ZZEF1: variants seen among roughly 807,000 people sequenced by gnomAD.
ZZEF1 encodes zinc finger ZZ-type and EF-hand domain containing 1.
A neutral mutation model predicts 342.8 loss-of-function variants in ZZEF1; 157 were observed. The ratio of observed to expected loss-of-function variants is 0.46; its 90% CI spans 0.40 to 0.52. ZZEF1 has a LOEUF of 0.52. Ranked by LOEUF, ZZEF1 falls within the 20% of genes least tolerant of loss-of-function variation. ZZEF1 has a pLI of 0.00. For missense variants in ZZEF1, 3,480 were observed against 3,725.6 expected, an observed-to-expected ratio of 0.93 and a Z score of 1.72; for synonymous variants, 1,505 against 1,429.1, an observed-to-expected ratio of 1.05 and a Z score of -1.20.
chr17:4,129,689 G>A (rs1007371285), intron 1 of ZZEF1, among the ~76,000 whole-genome samples: 1 of 151,960 alleles, frequency 6.6e-6, no homozygotes, highest in Admixed American at 6.6e-5. Flanking sequence ...ATACAAAAAT[G>A]AGCCAGGTGT....
At chr17:4,070,167 C>T (rs560908161) in intron 26 of ZZEF1, among the ~76,000 whole-genome samples, 12 of 152,290 alleles carry the variant, frequency 7.9e-5, no homozygotes, top group African/African-American at 2.2e-4. Flanking sequence ...GCTACGAAGG[C>T]GCTGCAAGCT....
In ZZEF1 at chr17:4,006,987, A is replaced by C; in HGVS notation, c.8806-17T>G. The C allele has an allele frequency of 6.4e-7, 1 of 1,569,330 alleles. No individual in the cohort carries two copies. Among genetic ancestry groups the C allele is most frequent in the Non-Finnish European group, 8.7e-7 (1 of 1,155,798 alleles). On this transcript the variant is annotated splice_polypyrimidine_tract_variant and intron_variant, in intron 54 of 54. Transcript: ENST00000381638. ...CTGCAGAGCCTGTAGAGGGAAAAAG[A>C]GTTGTCGCCAATGTCGGGAGCCACT...
chr17:4,018,004 C>G, intron 46 of ZZEF1, 33 bp from the exon 47 acceptor site: 1 of 1,609,872 alleles, frequency 6.2e-7, no homozygotes, highest in Non-Finnish European at 8.5e-7. Context: ...TGAGTACCAA[C>G]AGTGTAGACA....
chr17:4,051,876 TA>T (rs985933222), intron 35 of ZZEF1, 94 bp downstream of exon 35: 12 of 1,341,490 alleles, frequency 8.9e-6, no homozygotes, highest in African/African-American at 4.5e-5. Context: ...AATTTTTAAA[TA>T]AAAAAAACTT....
intron 53 of ZZEF1, chr17:4,009,327 T>C (rs2055884112): frequency 1.7e-6 from 1 of 578,256 alleles, no homozygotes. Context: ...CCCATCGTTT[T>C]ATTTTCCAAA....
intron 31 of ZZEF1, among the ~76,000 whole-genome samples, chr17:4,058,359 G>A (rs1328836953): frequency 1.3e-5 from 2 of 152,196 alleles, no homozygotes; most frequent in African/African-American, 4.8e-5. Flanking sequence ...TGTAAAGTAA[G>A]GTTTCCACCC....
At chr17:4,032,786 T>C in intron 41 of ZZEF1, 42 bp downstream of exon 41, 3 of 1,604,568 alleles carry the variant, frequency 1.9e-6, no homozygotes, top group Non-Finnish European at 2.6e-6. Context: ...TAGTGAAGAC[T>C]GGAAGGGGTG....
chr17:4,123,944 G>A lies in ZZEF1; in HGVS notation c.462C>T (p.His154=), dbSNP rs144479529. 2.0e-4 allele frequency: 318 copies of A among 1,613,982 alleles called. 3 individuals carry two copies. In the East Asian group the frequency reaches 6.1e-3, roughly 31 times the overall value. ...AGCAGGCCTGTAGTTGTCTGATGAT[G>A]TGGCTCAGCTCCCCCTGAAGATTAG... ...SGANLQGELS[H]IIRQLQACSL... is the part of the protein sequence containing the mutation. Residue 154 remains histidine, a synonymous_variant, in exon 2 of 55, where the codon CAC becomes CAT. Coordinates refer to ENST00000381638, the MANE Select transcript of ZZEF1 (RefSeq NM_015113.4).
chr17:4,066,298 T>C (rs529246898), intron 28 of ZZEF1, 149 bp downstream of exon 28: 1 of 694,118 alleles, frequency 1.4e-6, no homozygotes, highest in African/African-American at 1.8e-5. Flanking sequence ...TTATGATACA[T>C]CCTTGGATAC....
chr17:4,092,307 T>TG (rs1555604479), intron 11 of ZZEF1, among the ~76,000 whole-genome samples: 1 of 146,882 alleles, frequency 6.8e-6, no homozygotes, highest in Non-Finnish European at 1.5e-5. Context: ...CCCTTTTTTT[T>TG]TTTTTTTTTG....
intron 11 of ZZEF1, 61 bp downstream of exon 11, chr17:4,095,770 T>A (rs1406588526): frequency 3.9e-6 from 6 of 1,524,472 alleles, no homozygotes. Flanking sequence ...TACATTCTTA[T>A]TAACTACAAA....
chr17:4,045,292 T>C (rs1313534649), intron 37 of ZZEF1, among the ~76,000 whole-genome samples: 1 of 152,322 alleles, frequency 6.6e-6, no homozygotes, highest in South Asian at 2.1e-4. Context: ...AAACCAAGCA[T>C]GGAAAGTTGT....
intron 26 of ZZEF1, 121 bp downstream of exon 26, chr17:4,070,563 T>A (rs2057488406): frequency 8.4e-7 from 1 of 1,186,184 alleles, no homozygotes; most frequent in Non-Finnish European, 1.1e-6. Flanking sequence ...AACAAGATGA[T>A]GTTTACAGTT....
At chr17:4,054,747 C>T (rs1447988770) in intron 33 of ZZEF1, among the ~76,000 whole-genome samples, 1 of 152,098 alleles carries the variant, frequency 6.6e-6, no homozygotes, top group Admixed American at 6.6e-5. Flanking sequence ...GTAATGTGAT[C>T]GGACTGGAGT....
chr17:4,111,097 A>C (rs2054038), intron 5 of ZZEF1, among the ~76,000 whole-genome samples: 61,736 of 151,840 alleles, frequency 0.41, 12,710 homozygotes, highest in African/African-American at 0.48. Context: ...CATGCAAAGA[A>C]TATCAACATT....
Position 4,014,329 on chromosome 17 carries a change from G to A in ZZEF1, c.8314+18C>T, listed in dbSNP as rs1326518067. 3 of 1,613,940 alleles carry A rather than the reference G, an allele frequency of 1.9e-6. No homozygotes were observed. Among genetic ancestry groups the A allele is most frequent in the East Asian group, 2.2e-5 (1 of 44,880 alleles). On this transcript the variant is annotated intron_variant, in intron 50 of 54. Coordinates refer to ENST00000381638, the MANE Select transcript of ZZEF1 (RefSeq NM_015113.4). The surrounding 1 kb of genome is among the most constrained non-coding windows in gnomAD (Gnocchi z 4.4). ...CTGCCTGTGAAGAACCTATCTAATC[G>A]AGTATTTGTTTCACTACCTGGAAGT...
At chr17:4,092,566 CA>C (rs1332344930) in intron 11 of ZZEF1, among the ~76,000 whole-genome samples, 1 of 152,116 alleles carries the variant, frequency 6.6e-6, no homozygotes, top group Non-Finnish European at 1.5e-5. Context: ...CTCGGCCTTC[CA>C]AAGTGCGCTA....
At chr17:4,013,952 C>A in intron 51 of ZZEF1, 138 bp downstream of exon 51, 1 of 805,070 alleles carries the variant, frequency 1.2e-6, no homozygotes. Flanking sequence ...AGGTGTGGGG[C>A]TTGTGAGACA....
In ZZEF1 at chr17:4,117,301, T is replaced by C. The variant is rs571710988; in HGVS notation, c.500-135A>G. The C allele has an allele frequency of 4.2e-4, 295 of 700,830 alleles. 3 individuals are homozygous for C. The African/African-American group carries it at 4.7e-3, about 11-fold the overall frequency. 43.4% of individuals were successfully genotyped at this position (700,830 alleles called of 1,614,324 possible). On this transcript the variant is annotated intron_variant, in intron 2 of 54. Transcript: ENST00000381638. ...TCTTCATTGATATTTTCAGTTTTAA[T>C]TGTTAAAAAATCTAAGTTTTAAAGA...
Sources: gnomAD v4.1 joint callset for allele counts (sites outside exome capture counted in the v4.1 genomes callset) on GRCh38, gnomAD v4.1.1 for gene constraint, Gnocchi (gnomAD v3.1) non-coding constraint, MANE v1.5 for transcripts, NCBI Gene and HGNC (gene_info 2026-07-23, HGNC 2026-07-21) for gene names.